The following GNAQ variants were observed in gnomAD, a reference collection of about 807,000 sequenced individuals.
The protein encoded by GNAQ is guanine nucleotide-binding protein G(q) subunit alpha.
In GNAQ, 8 loss-of-function variants were observed where a neutral mutation model predicts 43.9. The ratio of observed to expected loss-of-function variants is 0.18; its 90% CI spans 0.11 to 0.33. The LOEUF (loss-of-function observed/expected upper bound fraction) is 0.33. Ranked by LOEUF, GNAQ falls within the 10% of genes least tolerant of loss-of-function variation. The pLI, the probability that GNAQ is intolerant of heterozygous loss-of-function variation, is 1.00. For synonymous variants in GNAQ, 155 were observed against 170.7 expected, an observed-to-expected ratio of 0.91 and a Z score of 0.71; for missense variants, 158 against 450.8, an observed-to-expected ratio of 0.35 and a Z score of 5.88.
chr9:77,739,361 A>C (rs936173208), intron 5 of GNAQ, among the ~76,000 whole-genome samples: 1 of 152,172 alleles, frequency 6.6e-6, no homozygotes, highest in Non-Finnish European at 1.5e-5. Context: ...CTTTTTGTCC[A>C]TGAAAATCAG....
intron 1 of GNAQ, among the ~76,000 whole-genome samples, chr9:77,934,810 T>C (rs1223876740): frequency 6.6e-6 from 1 of 152,222 alleles, no homozygotes; most frequent in Non-Finnish European, 1.5e-5. Flanking sequence ...CCACTGTTCA[T>C]GTGGCATCTA....
chr9:77,740,003 C>T (rs145927001), intron 5 of GNAQ, among the ~76,000 whole-genome samples: 1 of 152,214 alleles, frequency 6.6e-6, no homozygotes, highest in African/African-American at 2.4e-5. Flanking sequence ...CAGACAGAAT[C>T]TGAACAAATT....
At chr9:77,937,827 G>A (rs930805820) in intron 1 of GNAQ, among the ~76,000 whole-genome samples, 1 of 152,166 alleles carries the variant, frequency 6.6e-6, no homozygotes, top group African/African-American at 2.4e-5. Context: ...GGGAGGCGGA[G>A]GTTGCGGTGA....
intron 1 of GNAQ, among the ~76,000 whole-genome samples, chr9:77,949,597 C>G (rs1822951911): frequency 6.6e-6 from 1 of 152,138 alleles, no homozygotes; most frequent in Admixed American, 6.5e-5. Context: ...CAACCAGTAT[C>G]TCAGCCCTAG....
intron 1 of GNAQ, among the ~76,000 whole-genome samples, chr9:77,977,830 T>C (rs1216850489): frequency 1.3e-5 from 2 of 152,200 alleles, no homozygotes; most frequent in African/African-American, 2.4e-5. Flanking sequence ...ATGAAACCAG[T>C]TGAATACCTG....
intron 1 of GNAQ, among the ~76,000 whole-genome samples, chr9:77,950,783 A>C (rs1822964441): frequency 6.6e-6 from 1 of 152,198 alleles, no homozygotes; most frequent in Admixed American, 6.5e-5. Context: ...TGGGGGAATA[A>C]AACAGGGTAG....
chr9:77,802,110 T>G lies in GNAQ; in HGVS notation c.477-4462A>C, dbSNP rs1826752788. Among the ~76,000 whole-genome samples the G allele has an allele frequency of 2.6e-5, 4 of 152,232 alleles. No homozygotes were observed. In the South Asian group the frequency reaches 8.3e-4, roughly 32 times the overall value. ...TGAACCTGGCAGGTAGAGGTTGCAG[T>G]GAGCCACCATTGCACCACTGCACTC... On this transcript the variant is annotated intron_variant, in intron 3 of 6. Coordinates refer to ENST00000286548, the MANE Select transcript of GNAQ (RefSeq NM_002072.5).
chr9:77,993,436 C>G lies in GNAQ; in HGVS notation c.136+37664G>C, dbSNP rs568406756. ...CAGATAGGCCAGGCGCGGTGGCTCACGCCTGTAATCCCAACACTTTGGGAG... is the reference window on the plus strand; with the variant it reads ...CAGATAGGCCAGGCGCGGTGGCTCAGGCCTGTAATCCCAACACTTTGGGAG... On this transcript the variant is annotated intron_variant, in intron 1 of 6. Coordinates refer to ENST00000286548, the MANE Select transcript of GNAQ (RefSeq NM_002072.5). 1.4e-4 allele frequency among the ~76,000 whole-genome samples: 22 copies of G among 152,244 alleles called. No individual in the cohort carries two copies. The East Asian group carries it at 4.3e-3, about 29-fold the overall frequency.
At chr9:77,789,305 T>C (rs962919933) in intron 5 of GNAQ, among the ~76,000 whole-genome samples, 11 of 152,166 alleles carry the variant, frequency 7.2e-5, no homozygotes, top group African/African-American at 2.6e-4. Flanking sequence ...AAAGATACCA[T>C]GAGGAGAATA....
At chr9:77,864,805 G>T (rs1251276019) in intron 2 of GNAQ, among the ~76,000 whole-genome samples, 1 of 152,104 alleles carries the variant, frequency 6.6e-6, no homozygotes, top group Non-Finnish European at 1.5e-5. Context: ...CTCTTTTCTG[G>T]TTCTGCTCAC....
In GNAQ at chr9:77,910,596, A is replaced by G. The variant is rs12349083; in HGVS notation, c.321+11565T>C. Among the ~76,000 whole-genome samples, 890 of 151,686 alleles carry G rather than the reference A, an allele frequency of 5.9e-3. 9 individuals are homozygous for G. Among genetic ancestry groups the G allele is most frequent in the African/African-American group, 0.019 (798 of 41,352 alleles). ...CAGGCTGCTAAAGCAGAGTTCGCTC[A>G]TGTGTTTGGACCAATCAGTAATGTT... is the stretch of plus-strand genomic sequence containing the variant. On this transcript the variant is annotated intron_variant, in intron 2 of 6. Coordinates refer to ENST00000286548, the MANE Select transcript of GNAQ (RefSeq NM_002072.5).
chr9:77,760,307 C>A (rs985629175), intron 5 of GNAQ, among the ~76,000 whole-genome samples: 1 of 151,902 alleles, frequency 6.6e-6, no homozygotes, highest in South Asian at 2.1e-4. Flanking sequence ...AACCTCCCTG[C>A]CTGATTCTCC....
rs2118217352 is a variant in GNAQ, at chr9:77,728,562, C to T, written c.841G>A (p.Glu281Lys). ...ACTAGATGGGAATACATGATTTTCT[C>T]CTCTAGAAGATCTTTCTTGTTTAAG... ...LFLNKKDLLE[E>K]KIMYSHLVDY... Residue 281 changes from glutamate to lysine, a missense_variant, in exon 6 of 7, where the codon GAG (glutamate) becomes AAG (lysine). Around this residue, in one of 9 missense-constraint regions of GNAQ, gnomAD observed 56 missense variants for 172.2 expected, o/e 0.33. Coordinates refer to ENST00000286548, the MANE Select transcript of GNAQ (RefSeq NM_002072.5). 1 of 1,603,310 alleles carries T rather than the reference C, an allele frequency of 6.2e-7. No individual in the cohort carries two copies. Among genetic ancestry groups the T allele is most frequent in the East Asian group, 2.2e-5 (1 of 44,832 alleles).
chr9:77,760,159 T>C (rs1311950681), intron 5 of GNAQ, among the ~76,000 whole-genome samples: 2 of 149,116 alleles, frequency 1.3e-5, no homozygotes, highest in East Asian at 2.0e-4. Context: ...TTCATAATGT[T>C]ATACCCACCT....
intron 5 of GNAQ, among the ~76,000 whole-genome samples, chr9:77,762,735 T>C (rs1258266707): frequency 6.6e-6 from 1 of 152,112 alleles, no homozygotes; most frequent in African/African-American, 2.4e-5. Context: ...GGGAGACTTT[T>C]CATTTTGTTC....
Position 77,761,584 on chromosome 9 carries a change from C to CGGGAGGTGAGG in GNAQ, c.735+32868_735+32878dup, listed in dbSNP as rs1455353802. On this transcript the variant is annotated intron_variant, in intron 5 of 6. Transcript: ENST00000286548. Reference sequence around the variant, plus strand: ...CCCCCGCCCGGCCAGCTGCCTCGCCCGGGAGGTGAGGGGCGCCTCTGCCCG... The same window carrying CGGGAGGTGAGG: ...CCCCCGCCCGGCCAGCTGCCTCGCCCGGGAGGTGAGGGGGAGGTGAGGGGCGCCTCTGCCCG... Among the ~76,000 whole-genome samples, 11 of 135,768 alleles carry CGGGAGGTGAGG rather than the reference C, an allele frequency of 8.1e-5. No individual in the cohort carries two copies. The East Asian group carries it at 2.0e-3, about 24-fold the overall frequency. 89.1% of individuals were successfully genotyped at this position (135,768 alleles called of 152,430 possible). A position where few individuals can be genotyped will look rare whatever the true frequency, so the allele number is the denominator to read the frequency against.
At position 77,721,444 on chromosome 9, in the gene GNAQ, C is replaced by T; in HGVS notation, c.959G>A (p.Ser320Asn). 1.2e-6 allele frequency: 2 copies of T among 1,612,784 alleles called. No homozygotes were observed. Among genetic ancestry groups the T allele is most frequent in the Non-Finnish European group, 1.7e-6 (2 of 1,178,886 alleles). Reference protein sequence around the residue: ...LKMFVDLNPDSDKIIYSHFTC... With the variant: ...LKMFVDLNPDNDKIIYSHFTC... ...GAAGTGGGAGTAGATAATTTTGTCACTGTCTGGGTTCAGGTCCACGAACAT... is the reference window on the plus strand; with the variant it reads ...GAAGTGGGAGTAGATAATTTTGTCATTGTCTGGGTTCAGGTCCACGAACAT... The change falls in exon 7 of 7, where the codon AGT becomes AAT. Residue 320 changes from serine (S) to asparagine (N), a missense_variant. Transcript: ENST00000286548.
chr9:78,007,850 A>G (rs1419459638), intron 1 of GNAQ, among the ~76,000 whole-genome samples: 1 of 152,214 alleles, frequency 6.6e-6, no homozygotes, highest in Non-Finnish European at 1.5e-5. Flanking sequence ...CTCTCCAGAA[A>G]AGAATATAAA....
At chr9:77,744,759 A>G (rs546260617) in intron 5 of GNAQ, among the ~76,000 whole-genome samples, 2 of 152,364 alleles carry the variant, frequency 1.3e-5, no homozygotes, top group Admixed American at 1.3e-4. Flanking sequence ...AAATAACTAA[A>G]GGTAAAAACT....
Sources: allele counts gnomAD v4.1 joint callset (sites outside exome capture counted in the v4.1 genomes callset), GRCh38; gene constraint gnomAD v4.1.1; regional missense constraint gnomAD v4.1.1; transcripts MANE v1.5; gene names NCBI Gene and HGNC (gene_info 2026-07-23, HGNC 2026-07-21).